EOGT: variants seen among roughly 807,000 people sequenced by gnomAD.
The protein encoded by EOGT is EGF domain-specific O-linked N-acetylglucosamine transferase.
In EOGT, 55 loss-of-function variants were observed where a neutral mutation model predicts 70.5. The observed-to-expected ratio is 0.78, with a 90% CI of 0.63 to 0.98. The LOEUF (loss-of-function observed/expected upper bound fraction) is 0.98. Ranked by LOEUF, EOGT falls within the 50% of genes least tolerant of loss-of-function variation. The pLI, the probability that EOGT is intolerant of heterozygous loss-of-function variation, is 0.00. For missense variants in EOGT, 703 were observed against 641.9 expected (o/e 1.10, Z -1.03); for synonymous variants, 246 against 217.1 (o/e 1.13, Z -1.17).
chr3:68,991,217 G>T (rs1306302123), intron 10 of EOGT, among the ~76,000 whole-genome samples: 1 of 152,166 alleles, frequency 6.6e-6, no homozygotes, highest in Admixed American at 6.5e-5. Flanking sequence ...TCCACCATTT[G>T]GGAAGGAGGC....
At chr3:69,007,472 C>T (rs1384799100) in intron 6 of EOGT, among the ~76,000 whole-genome samples, 1 of 133,698 alleles carries the variant, frequency 7.5e-6, no homozygotes, top group Non-Finnish European at 1.5e-5. Context: ...GGCAACATGG[C>T]GAAACCCCAC....
chr3:68,988,461 G>T, intron 12 of EOGT, 45 bp downstream of exon 12: 3 of 1,490,298 alleles, frequency 2.0e-6, no homozygotes, highest in African/African-American at 1.4e-5. Flanking sequence ...ATGTATAAAT[G>T]TTATGTCTGT....
chr3:69,008,424 T>G lies in EOGT; in HGVS notation c.311+4A>C, dbSNP rs1485151594. The G allele has an allele frequency of 3.1e-6, 5 of 1,607,946 alleles. No individual in the cohort carries two copies. The highest frequency in any genetic ancestry group is 4.3e-6 in the Non-Finnish European group (5 of 1,174,392). ...TGAAGAGGGTATTCCATATGGAAAC[T>G]TACCATCCCATGTCGACATAGCTGC... is the stretch of plus-strand genomic sequence containing the variant. On this transcript the variant is annotated splice_donor_region_variant and intron_variant, in intron 5 of 17. Coordinates refer to ENST00000383701, the MANE Select transcript of EOGT (RefSeq NM_001278689.2).
At chr3:68,980,629 C>A (rs967817936) in intron 15 of EOGT, among the ~76,000 whole-genome samples, 3 of 152,198 alleles carry the variant, frequency 2.0e-5, no homozygotes, top group Non-Finnish European at 4.4e-5. Flanking sequence ...CGAAGGGAAG[C>A]TGAATTCCCT....
At position 69,005,151 on chromosome 3, in the gene EOGT, T is replaced by C; in HGVS notation, c.504A>G (p.Arg168=). 6.4e-7 allele frequency: 1 copy of C among 1,565,310 alleles called. No individual in the cohort carries two copies. ...AACCACTAAAGTACCTGTCATGATT[T>C]CTCTTGATGTTTCTTAAATCAAGAT... ...NLYLDLRNIK[R]NHDRFKEDFF... The change falls in exon 7 of 18, where the codon AGA becomes AGG. Residue 168 remains arginine (R), a synonymous_variant. Transcript: ENST00000383701.
chr3:68,994,326 A>G (rs1230267572), intron 10 of EOGT, among the ~76,000 whole-genome samples: 1 of 152,162 alleles, frequency 6.6e-6, no homozygotes, highest in Non-Finnish European at 1.5e-5. Flanking sequence ...CCTGGGTGAC[A>G]TATTTGCACT....
At chr3:68,987,933 T>G in intron 13 of EOGT, 2 of 331,478 alleles carry the variant, frequency 6.0e-6, no homozygotes, top group Non-Finnish European at 1.1e-5. Context: ...GGGTTTTGTT[T>G]TGGGGCAGTC....
intron 9 of EOGT, 78 bp downstream of exon 9, chr3:69,001,530 G>T (rs2091292558): frequency 1.0e-6 from 1 of 956,060 alleles, no homozygotes; most frequent in Non-Finnish European, 1.5e-6. Context: ...AAAAAATTCA[G>T]AGAGAATTAC....
intron 15 of EOGT, among the ~76,000 whole-genome samples, chr3:68,981,501 G>A (rs1414427965): frequency 1.3e-5 from 2 of 152,202 alleles, no homozygotes; most frequent in African/African-American, 4.8e-5. Context: ...GTGACTGTAG[G>A]TGGACATGGA....
chr3:68,979,564 T>G, intron 16 of EOGT, 104 bp downstream of exon 16: 2 of 1,272,558 alleles, frequency 1.6e-6, no homozygotes, highest in Non-Finnish European at 2.1e-6. Flanking sequence ...CTTCTCTTTT[T>G]GAATGATTAA....
At chr3:68,979,619 A>G (rs1429438291) in intron 16 of EOGT, 49 bp downstream of exon 16, 16 of 1,594,838 alleles carry the variant, frequency 1.0e-5, no homozygotes, top group Non-Finnish European at 1.4e-5. Flanking sequence ...TAGCATGCAT[A>G]AAAAGCATTA....
At position 68,988,552 on chromosome 3, in the gene EOGT, G is replaced by GA; in HGVS notation, c.949dup (p.Ser317PhefsTer13). On this transcript the variant is annotated frameshift_variant, in exon 12 of 18. Coordinates refer to ENST00000383701, the MANE Select transcript of EOGT (RefSeq NM_001278689.2). LOFTEE classifies it high-confidence loss of function. ...CCCATACCTCATGCGGGGGAGTAAT[G>GA]AAAAAACAGCTTCTTTAAAACATAC... is the stretch of plus-strand genomic sequence containing the variant. 1 of 1,531,106 alleles carries GA rather than the reference G, an allele frequency of 6.5e-7. No homozygotes were observed. The highest frequency in any genetic ancestry group is 8.7e-7 in the Non-Finnish European group (1 of 1,144,864). 94.8% of individuals were successfully genotyped at this position (1,531,106 alleles called of 1,614,324 possible). A position where few individuals can be genotyped will look rare whatever the true frequency, so the allele number is the denominator to read the frequency against.
rs371027664 is a variant in EOGT at position 69,009,755 on chromosome 3, C to T, written c.92G>A (p.Gly31Asp). The change falls in exon 4 of 18, where the codon GGC becomes GAC. Residue 31 changes from glycine to aspartate, a missense_variant. Coordinates refer to ENST00000383701, the MANE Select transcript of EOGT (RefSeq NM_001278689.2). The part of the protein sequence containing the change: ...EAPPNTHSIP[G>D]EPLYNYASIR... ...GCTGGCATAGTTATACAGAGGTTCGCCTGGAATGCTGTGAGTATTAGGAGG... is the reference window on the plus strand; with the variant it reads ...GCTGGCATAGTTATACAGAGGTTCGTCTGGAATGCTGTGAGTATTAGGAGG... 2 of 1,614,008 alleles carry T rather than the reference C, an allele frequency of 1.2e-6. No individual in the cohort carries two copies. Among genetic ancestry groups the T allele is most frequent in the South Asian group, 2.2e-5 (2 of 91,070 alleles).
chr3:69,010,565 G>C (rs1017935056), intron 3 of EOGT, among the ~76,000 whole-genome samples: 1 of 152,152 alleles, frequency 6.6e-6, no homozygotes, highest in African/African-American at 2.4e-5. Context: ...TCTGTAAAAT[G>C]GAAATAATAA....
intron 14 of EOGT, among the ~76,000 whole-genome samples, chr3:68,983,283 T>C (rs1235218694): frequency 1.3e-5 from 2 of 152,240 alleles, no homozygotes; most frequent in Admixed American, 6.5e-5. Context: ...TTCTAGACTT[T>C]ACCTTAAGAG....
intron 1 of EOGT, among the ~76,000 whole-genome samples, chr3:69,013,081 T>C (rs1438789705): frequency 2.0e-5 from 3 of 151,876 alleles, no homozygotes; most frequent in African/African-American, 7.3e-5. Flanking sequence ...AGCCCAGCTG[T>C]CCGCTTGAAC....
chr3:69,001,797 T>C (rs576404743), intron 8 of EOGT, 83 bp from the exon 9 acceptor site: 21 of 935,938 alleles, frequency 2.2e-5, no homozygotes, highest in African/African-American at 1.8e-4. Context: ...ATCTGTTCAT[T>C]AGGCAGATTT....
At chr3:68,982,436 C>T (rs1247950165) in intron 15 of EOGT, among the ~76,000 whole-genome samples, 1 of 152,190 alleles carries the variant, frequency 6.6e-6, no homozygotes, top group Non-Finnish European at 1.5e-5. Flanking sequence ...AGGAGAATTA[C>T]TTGAACCCAG....
chr3:68,990,348 C>G (rs1432293680), intron 10 of EOGT, among the ~76,000 whole-genome samples: 7 of 107,892 alleles, frequency 6.5e-5, no homozygotes, highest in African/African-American at 2.5e-4. Context: ...TTACCACATG[C>G]TTTTTTTTTT....
Sources: gnomAD v4.1 joint callset for allele counts (sites outside exome capture counted in the v4.1 genomes callset) on GRCh38, gnomAD v4.1.1 for gene constraint, MANE v1.5 for transcripts, NCBI Gene and HGNC (gene_info 2026-07-23, HGNC 2026-07-21) for gene names.